LARGE1: variants seen among roughly 807,000 people sequenced by gnomAD.
The protein encoded by LARGE1 is xylosyl- and glucuronyltransferase LARGE1.
A neutral mutation model predicts 87.6 loss-of-function variants in LARGE1; 43 were observed. The observed-to-expected ratio is 0.49, with a 90% CI of 0.38 to 0.63. The LOEUF is 0.63. LARGE1 is among the 30% of genes least tolerant of loss of function. The probability of loss-of-function intolerance (pLI) is 0.00; values close to 1 mark genes in which losing one functional copy is unlikely to be tolerated. For missense variants in LARGE1, 802 were observed against 1,000.2 expected (o/e 0.80, Z 2.67); for synonymous variants, 434 against 394.6 (o/e 1.10, Z -1.18).
intron 1 of LARGE1, among the ~76,000 whole-genome samples, chr22:33,821,928 G>T (rs1244627810): frequency 6.7e-6 from 1 of 148,656 alleles, no homozygotes. Flanking sequence ...AATCACTCAG[G>T]TTCCGTTTAA....
At chr22:33,697,382 A>T (rs2082282284) in intron 2 of LARGE1, among the ~76,000 whole-genome samples, 1 of 151,810 alleles carries the variant, frequency 6.6e-6, no homozygotes, top group African/African-American at 2.4e-5. Context: ...GCCTCTTAGG[A>T]TTCTTCAAGG....
intron 1 of LARGE1, among the ~76,000 whole-genome samples, chr22:33,786,411 G>A (rs1165877016): frequency 1.3e-5 from 2 of 152,156 alleles, no homozygotes; most frequent in African/African-American, 2.4e-5. Context: ...ATTAGATTTG[G>A]TCCCTGGAAT....
chr22:33,584,417 C>T (rs2078608906), intron 5 of LARGE1, among the ~76,000 whole-genome samples: 1 of 152,150 alleles, frequency 6.6e-6, no homozygotes, highest in African/African-American at 2.4e-5. Flanking sequence ...TGAAGTCATC[C>T]CTGACTATCC....
intron 7 of LARGE1, among the ~76,000 whole-genome samples, chr22:33,427,459 GA>G (rs2147659464): frequency 6.6e-6 from 1 of 152,298 alleles, no homozygotes; most frequent in South Asian, 2.1e-4. Flanking sequence ...AGCAGACTGG[GA>G]AAGAAAAGCA....
intron 2 of LARGE1, among the ~76,000 whole-genome samples, chr22:33,684,341 C>T (rs148119938): frequency 3.9e-4 from 59 of 152,022 alleles, no homozygotes; most frequent in African/African-American, 1.2e-3. Context: ...AGTGCAAGGA[C>T]CTAGAGAAGG....
intron 3 of LARGE1, among the ~76,000 whole-genome samples, chr22:33,626,868 G>T (rs993313466): frequency 6.6e-6 from 1 of 152,172 alleles, no homozygotes; most frequent in South Asian, 2.1e-4. Flanking sequence ...GGAACCCAAG[G>T]GGTCATCTCA....
At chr22:33,602,864 G>A (rs916952865) in intron 5 of LARGE1, among the ~76,000 whole-genome samples, 4 of 152,118 alleles carry the variant, frequency 2.6e-5, no homozygotes, top group Non-Finnish European at 5.9e-5. Context: ...AGGGGACATG[G>A]CACTGGACTC....
chr22:33,175,227 C>T (rs917466307), intron 11 of LARGE1, among the ~76,000 whole-genome samples: 21 of 151,976 alleles, frequency 1.4e-4, no homozygotes, highest in African/African-American at 5.1e-4. Context: ...TGAAAACTGG[C>T]ACAAGACAAG....
intron 12 of LARGE1, among the ~76,000 whole-genome samples, chr22:33,298,047 C>T (rs1028615193): frequency 1.3e-5 from 2 of 151,056 alleles, no homozygotes; most frequent in Admixed American, 6.6e-5. Context: ...GAAACCTGTA[C>T]CAGTCTCATG....
chr22:33,807,813 T>C (rs1165899398), intron 1 of LARGE1, among the ~76,000 whole-genome samples: 9 of 152,228 alleles, frequency 5.9e-5, no homozygotes, highest in Non-Finnish European at 2.9e-5. Flanking sequence ...ATTTCTTCCA[T>C]GTCTTTTCAT....
chr22:33,447,691 A>G (rs2067739829), intron 6 of LARGE1, among the ~76,000 whole-genome samples: 2 of 152,178 alleles, frequency 1.3e-5, no homozygotes, highest in East Asian at 3.8e-4. Context: ...CTTGGGGATG[A>G]AGAAGAAGTG....
chr22:33,749,196 C>T (rs772219186), intron 2 of LARGE1, among the ~76,000 whole-genome samples: 20 of 152,312 alleles, frequency 1.3e-4, no homozygotes, highest in Non-Finnish European at 2.4e-4. Context: ...CTCACCGCAA[C>T]CTCCGCCTCC....
the LARGE1 span, among the ~76,000 whole-genome samples, chr22:33,070,640 G>A: frequency 5.9e-5 from 9 of 152,282 alleles, no homozygotes; most frequent in East Asian, 1.9e-4. Flanking sequence ...CTGTGCAACC[G>A]TGAGAGCATA....
Position 33,588,428 on chromosome 22 carries a change from CAGG to C in LARGE1, c.615+16004_615+16006del, listed in dbSNP as rs1252671122. On this transcript the variant is annotated intron_variant, in intron 5 of 14. Transcript: ENST00000397394. ...AGATGAGGAAGGGAGATTCCTATTT[CAGG>C]TAACATAGTGAACTAGACAACCTCA... is the stretch of plus-strand genomic sequence containing the variant. 5.3e-5 allele frequency among the ~76,000 whole-genome samples: 8 copies of C among 152,308 alleles called. No individual in the cohort carries two copies. The East Asian group carries it at 1.5e-3, about 29-fold the overall frequency.
intron 11 of LARGE1, among the ~76,000 whole-genome samples, chr22:33,205,958 T>G (rs996615064): frequency 2.8e-5 from 4 of 144,964 alleles, no homozygotes; most frequent in African/African-American, 1.0e-4. Flanking sequence ...CTTTTTTTTT[T>G]TTTTTTTTTT....
At chr22:33,844,808 C>T (rs9609876) in intron 1 of LARGE1, among the ~76,000 whole-genome samples, 24,702 of 151,484 alleles carry the variant, frequency 0.16, 2,130 homozygotes, top group Middle Eastern at 0.25. Context: ...GCAACCTCCG[C>T]CTCCCGGGCT....
chr22:33,320,607 T>C (rs961562610), intron 10 of LARGE1, among the ~76,000 whole-genome samples: 4 of 152,100 alleles, frequency 2.6e-5, no homozygotes, highest in African/African-American at 7.2e-5. Context: ...GCCTGAAAAA[T>C]ATTTGCTGTA....
intron 11 of LARGE1, among the ~76,000 whole-genome samples, chr22:33,216,449 A>C (rs1925205968): frequency 6.6e-6 from 1 of 152,158 alleles, no homozygotes; most frequent in Admixed American, 6.5e-5. Flanking sequence ...TAACACAGTG[A>C]AACCCCATCT....
chr22:33,288,591 G>T (rs1238113719), intron 12 of LARGE1, among the ~76,000 whole-genome samples: 1 of 152,208 alleles, frequency 6.6e-6, no homozygotes, highest in Non-Finnish European at 1.5e-5. Flanking sequence ...GCTGCTTACT[G>T]AGTCTGTCTA....
Sources: gnomAD v4.1 joint callset for allele counts (sites outside exome capture counted in the v4.1 genomes callset) on GRCh38, gnomAD v4.1.1 for gene constraint, MANE v1.5 for transcripts, NCBI Gene and HGNC (gene_info 2026-07-23, HGNC 2026-07-21) for gene names.